Variants in RAD51B observed in about 807,000 individuals in gnomAD.
RAD51B encodes DNA repair protein RAD51 homolog 2.
Under a neutral mutation model 42.2 loss-of-function variants are expected in RAD51B, and 38 were observed. That is an observed-to-expected ratio of 0.90 (90% CI 0.70 to 1.18). RAD51B has a LOEUF of 1.18. Among genes scored for constraint, RAD51B ranks in the 50% most tolerant of loss-of-function variants. The pLI, the probability that RAD51B is intolerant of heterozygous loss-of-function variation, is 0.00. For synonymous variants in RAD51B, 154 were observed against 145.2 expected, an observed-to-expected ratio of 1.06 and a Z score of -0.43; for missense variants, 373 against 400.7, an observed-to-expected ratio of 0.93 and a Z score of 0.59.
chr14:68,648,112 C>T (rs528840801), intron 10 of RAD51B, among the ~76,000 whole-genome samples: 2 of 39,508 alleles, frequency 5.1e-5, no homozygotes, highest in African/African-American at 2.3e-4. Context: ...TATACACACA[C>T]GTATATATAT....
At chr14:67,983,297 C>T (rs1442697580) in intron 7 of RAD51B, among the ~76,000 whole-genome samples, 1 of 151,910 alleles carries the variant, frequency 6.6e-6, no homozygotes, top group Non-Finnish European at 1.5e-5. Context: ...TCTCATTGGT[C>T]TCTTTATATA....
chr14:68,671,350 C>T (rs924550722), intron 11 of RAD51B, among the ~76,000 whole-genome samples: 7 of 152,170 alleles, frequency 4.6e-5, no homozygotes, highest in Non-Finnish European at 1.0e-4. Flanking sequence ...TTTCAAAGCC[C>T]TACATAATGT....
chr14:68,147,804 T>TAA (rs11398164), intron 7 of RAD51B, among the ~76,000 whole-genome samples: 159 of 145,190 alleles, frequency 1.1e-3, no homozygotes, highest in Non-Finnish European at 1.4e-3. Flanking sequence ...CAAGGGAAAT[T>TAA]AAAAAAAAAA....
At chr14:68,286,034 C>T (rs2081408511) in intron 7 of RAD51B, among the ~76,000 whole-genome samples, 1 of 152,182 alleles carries the variant, frequency 6.6e-6, no homozygotes, top group South Asian at 2.1e-4. Context: ...AGCATCTTGA[C>T]CATCTTTCAG....
Position 68,450,759 on chromosome 14 carries a change from A to G in RAD51B, c.958-17413A>G, listed in dbSNP as rs746687488. On this transcript the variant is annotated intron_variant, in intron 9 of 10. Transcript: ENST00000471583. Reference sequence around the variant, plus strand: ...ATCAGAAAAACATAAAGCCATATTCATAGTGTACCAACCGGGAAAGAGAGA... The same window carrying G: ...ATCAGAAAAACATAAAGCCATATTCGTAGTGTACCAACCGGGAAAGAGAGA... 8.7e-4 allele frequency among the ~76,000 whole-genome samples: 132 copies of G among 152,238 alleles called. 1 individual carries two copies. The highest frequency in any genetic ancestry group is 2.6e-4 in the Non-Finnish European group (18 of 68,048).
At chr14:68,527,197 C>A (rs933036341) in intron 10 of RAD51B, among the ~76,000 whole-genome samples, 2 of 152,190 alleles carry the variant, frequency 1.3e-5, no homozygotes, top group Non-Finnish European at 2.9e-5. Context: ...GGACTGAAAA[C>A]AATGGAACTG....
At chr14:68,358,023 G>A (rs1372073203) in intron 8 of RAD51B, among the ~76,000 whole-genome samples, 2 of 152,196 alleles carry the variant, frequency 1.3e-5, no homozygotes, top group South Asian at 2.1e-4. Context: ...GAAATAGAGA[G>A]GCCTGAGAAG....
chr14:68,249,855 C>G (rs897983269), intron 7 of RAD51B, among the ~76,000 whole-genome samples: 2 of 152,186 alleles, frequency 1.3e-5, no homozygotes, highest in Non-Finnish European at 2.9e-5. Context: ...TCATAAACTA[C>G]ATGACTTTTG....
chr14:68,049,031 A>G (rs1410207444), intron 7 of RAD51B, among the ~76,000 whole-genome samples: 3 of 152,364 alleles, frequency 2.0e-5, no homozygotes, highest in South Asian at 4.1e-4. Context: ...TGCAGCCATA[A>G]AAAATGATGA....
intron 5 of RAD51B, among the ~76,000 whole-genome samples, chr14:67,867,246 A>G (rs2042358733): frequency 6.6e-6 from 1 of 152,202 alleles, no homozygotes; most frequent in Admixed American, 6.5e-5. Flanking sequence ...AATTATCAGG[A>G]AAGGTTGGCC....
intron 7 of RAD51B, among the ~76,000 whole-genome samples, chr14:68,121,120 T>C (rs2077643850): frequency 6.6e-6 from 1 of 152,168 alleles, no homozygotes; most frequent in African/African-American, 2.4e-5. Flanking sequence ...CTGGAAGTTA[T>C]TTTTTTCTCT....
intron 7 of RAD51B, among the ~76,000 whole-genome samples, chr14:68,260,543 G>C (rs2080867345): frequency 1.3e-5 from 2 of 152,136 alleles, no homozygotes; most frequent in Non-Finnish European, 2.9e-5. Context: ...TCATGTAGAA[G>C]TATAGTTGGA....
At chr14:68,681,973 T>C (rs1893440652) in intron 11 of RAD51B, among the ~76,000 whole-genome samples, 1 of 152,098 alleles carries the variant, frequency 6.6e-6, no homozygotes, top group Admixed American at 6.5e-5. Context: ...GCTTGGGTGA[T>C]GGGAGCATCA....
At chr14:68,306,521 A>G (rs1308141338) in intron 8 of RAD51B, 3 of 398,464 alleles carry the variant, frequency 7.5e-6, no homozygotes, top group Non-Finnish European at 1.5e-5. Flanking sequence ...CCCAAGCTGA[A>G]CAGCTCTCTC....
At chr14:67,840,594 C>A (rs372903225) in intron 4 of RAD51B, among the ~76,000 whole-genome samples, 1 of 152,110 alleles carries the variant, frequency 6.6e-6, no homozygotes, top group East Asian at 1.9e-4. Flanking sequence ...AGTGAACATA[C>A]GAGTGCATAT....
chr14:67,934,475 AT>A (rs2044861320), intron 7 of RAD51B, among the ~76,000 whole-genome samples: 1 of 151,976 alleles, frequency 6.6e-6, no homozygotes, highest in South Asian at 2.1e-4. Flanking sequence ...TCATTTCTTT[AT>A]TTATTTGACA....
At chr14:68,068,612 A>G (rs559911540) in intron 7 of RAD51B, among the ~76,000 whole-genome samples, 7 of 152,252 alleles carry the variant, frequency 4.6e-5, no homozygotes, top group East Asian at 3.9e-4. Context: ...CATGTTTTCA[A>G]TTCTCTTGGG....
chr14:68,186,841 A>G (rs1186349195), intron 7 of RAD51B, among the ~76,000 whole-genome samples: 1 of 152,200 alleles, frequency 6.6e-6, no homozygotes, highest in Non-Finnish European at 1.5e-5. Flanking sequence ...TTATCATTTG[A>G]CCCAGCAATT....
chr14:68,320,376 T>C (rs916747932), intron 8 of RAD51B, among the ~76,000 whole-genome samples: 1 of 152,258 alleles, frequency 6.6e-6, no homozygotes, highest in Admixed American at 6.5e-5. Flanking sequence ...GTATTAAATT[T>C]GACATATTAA....
Sources: allele counts gnomAD v4.1 joint callset (sites outside exome capture counted in the v4.1 genomes callset), GRCh38; gene constraint gnomAD v4.1.1; transcripts MANE v1.5; gene names NCBI Gene and HGNC (gene_info 2026-07-23, HGNC 2026-07-21).